The following SFI1 variants were observed in gnomAD, a reference collection of about 807,000 sequenced individuals.
The protein encoded by SFI1 is protein SFI1 homolog.
A neutral mutation model predicts 207.5 loss-of-function variants in SFI1; 195 were observed. The ratio of observed to expected loss-of-function variants is 0.94; its 90% CI spans 0.84 to 1.06. SFI1 has a LOEUF of 1.06. SFI1 is among the 50% of genes least tolerant of loss of function. SFI1 has a pLI of 0.00. For synonymous variants in SFI1, 630 were observed against 598.9 expected (o/e 1.05, Z -0.76); for missense variants, 1,634 against 1,588.0 (o/e 1.03, Z -0.49).
At chr22:31,617,350 G>A (rs1401283233) in intron 31 of SFI1, among the ~76,000 whole-genome samples, 2 of 151,424 alleles carry the variant, frequency 1.3e-5, no homozygotes, top group Admixed American at 6.6e-5. Context: ...TGGGGGGGAC[G>A]ATAAAGTTGA....
chr22:31,553,838 G>GTTTT (rs58333559), intron 6 of SFI1, among the ~76,000 whole-genome samples: 337 of 26,308 alleles, frequency 0.013, 131 homozygotes, highest in East Asian at 0.033. Context: ...AATGGATTAT[G>GTTTT]TTTTTTTTTT....
intron 15 of SFI1, among the ~76,000 whole-genome samples, chr22:31,590,400 A>T (rs1445695541): frequency 6.6e-6 from 1 of 150,564 alleles, no homozygotes; most frequent in South Asian, 2.1e-4. Flanking sequence ...TAGTTTTCTC[A>T]TCTCTGCAGT....
At chr22:31,585,012 C>G in intron 13 of SFI1, 56 bp from the exon 14 acceptor site, 1 of 1,539,762 alleles carries the variant, frequency 6.5e-7, no homozygotes, top group East Asian at 2.3e-5. Flanking sequence ...ATTTACCTGC[C>G]TTAAAACAAA....
chr22:31,552,106 C>T (rs775917223), intron 6 of SFI1, among the ~76,000 whole-genome samples: 5 of 152,082 alleles, frequency 3.3e-5, no homozygotes, highest in Non-Finnish European at 5.9e-5. Context: ...GTTTAGCTCC[C>T]GCTTATAAGT....
intron 7 of SFI1, among the ~76,000 whole-genome samples, chr22:31,558,613 G>A (rs1946424117): frequency 6.6e-6 from 1 of 151,676 alleles, no homozygotes; most frequent in Non-Finnish European, 1.5e-5. Context: ...GAGTAGCTGG[G>A]ATTACAGGCG....
chr22:31,572,343 C>A (rs954252442), intron 8 of SFI1, among the ~76,000 whole-genome samples: 2 of 152,038 alleles, frequency 1.3e-5, no homozygotes, highest in Admixed American at 6.6e-5. Flanking sequence ...CCCTTGTAGA[C>A]CCTTAGCTTC....
chr22:31,554,963 G>A (rs889227743), intron 6 of SFI1, among the ~76,000 whole-genome samples: 5 of 151,984 alleles, frequency 3.3e-5, no homozygotes, highest in Admixed American at 2.0e-4. Context: ...CTAATATTTG[G>A]GAGTTTCCCA....
chr22:31,582,860 A>T (rs912409623), intron 12 of SFI1, among the ~76,000 whole-genome samples: 15 of 152,314 alleles, frequency 9.8e-5, no homozygotes, highest in African/African-American at 3.4e-4. Context: ...TATACTTTTT[A>T]AAATGACTGC....
chr22:31,530,260 G>T (rs1216349454), intron 3 of SFI1, among the ~76,000 whole-genome samples: 2 of 147,010 alleles, frequency 1.4e-5, no homozygotes, highest in African/African-American at 5.0e-5. Flanking sequence ...GGAGGCCGAG[G>T]CGGGTGGATC....
At chr22:31,576,897 G>C (rs564931601) in intron 10 of SFI1, among the ~76,000 whole-genome samples, 1 of 152,026 alleles carries the variant, frequency 6.6e-6, no homozygotes, top group South Asian at 2.1e-4. Context: ...TGCCCGCCTC[G>C]GCCTTCCAAA....
chr22:31,591,241 C>G (rs980789528), intron 15 of SFI1, among the ~76,000 whole-genome samples: 10 of 152,140 alleles, frequency 6.6e-5, no homozygotes, highest in African/African-American at 2.4e-4. Flanking sequence ...CCATTTAACT[C>G]TGAGTGGACA....
intron 3 of SFI1, chr22:31,530,468 C>T (rs912841696): frequency 5.7e-5 from 15 of 261,034 alleles, no homozygotes; most frequent in Non-Finnish European, 9.3e-5. Context: ...CTAACCTGGG[C>T]GACAGAGCAA....
intron 13 of SFI1, among the ~76,000 whole-genome samples, chr22:31,584,833 G>T (rs1022414985): frequency 6.6e-6 from 1 of 152,084 alleles, no homozygotes; most frequent in Non-Finnish European, 1.5e-5. Flanking sequence ...GCTTTCGGTG[G>T]TCTAATTAGG....
intron 27 of SFI1, 135 bp downstream of exon 27, chr22:31,613,990 C>T (rs1222531288): frequency 1.7e-6 from 2 of 1,193,894 alleles, no homozygotes; most frequent in African/African-American, 1.5e-5. Context: ...TGCTGGGAAC[C>T]CCCTCTTCTC....
Position 31,507,935 on chromosome 22 carries a change from G to T in SFI1, c.-30-320G>T, listed in dbSNP as rs544211358. Among the ~76,000 whole-genome samples the T allele has an allele frequency of 2.6e-5, 4 of 152,222 alleles. No individual in the cohort carries two copies. The South Asian group carries it at 8.3e-4, about 32-fold the overall frequency. ...ACTGAAAAATACAAAAATTAGTTGG[G>T]TGTGGTGGCAGGTACCTGTAATCCC... On this transcript the variant is annotated intron_variant, in intron 1 of 32. Transcript: ENST00000400288.
chr22:31,548,536 G>A (rs902028381), intron 5 of SFI1, among the ~76,000 whole-genome samples: 2 of 151,884 alleles, frequency 1.3e-5, no homozygotes, highest in Admixed American at 6.6e-5. Context: ...CCAGCTACTC[G>A]GAAGGTTGAG....
chr22:31,550,128 C>T (rs958858834), intron 5 of SFI1, 126 bp from the exon 6 acceptor site: 4 of 604,832 alleles, frequency 6.6e-6, no homozygotes, highest in African/African-American at 5.6e-5. Context: ...GGGGTTTCAC[C>T]ATATCGGCCA....
chr22:31,615,295 C>T lies in SFI1; in HGVS notation c.3300+16C>T, dbSNP rs781707961. ...ACCAGCCAGGGTACGTCCTCCACCA[C>T]CAGGCCTGGGCACTGGGGCTCTCAC... is the stretch of plus-strand genomic sequence containing the variant. On this transcript the variant is annotated intron_variant, in intron 29 of 32. Transcript: ENST00000400288. The T allele has an allele frequency of 2.0e-6, 3 of 1,470,772 alleles. No homozygotes were observed. The highest frequency in any genetic ancestry group is 2.4e-5 in the East Asian group (1 of 42,424). The allele number at this position is 1,470,772 out of a possible 1,614,324, so 91.1% of individuals were successfully genotyped here.
intron 7 of SFI1, chr22:31,559,914 C>T: frequency 3.2e-6 from 2 of 617,520 alleles, no homozygotes; most frequent in Non-Finnish European, 6.0e-6. Flanking sequence ...CATGGCTGTA[C>T]CATGGGCGGG....
Sources: allele counts gnomAD v4.1 joint callset (sites outside exome capture counted in the v4.1 genomes callset), GRCh38; gene constraint gnomAD v4.1.1; transcripts MANE v1.5; gene names NCBI Gene and HGNC (gene_info 2026-07-23, HGNC 2026-07-21).